The following AKAP13 variants were observed in gnomAD, a reference collection of about 807,000 sequenced individuals.
AKAP13 encodes the protein A-kinase anchoring protein 13.
Under a neutral mutation model 264.5 loss-of-function variants are expected in AKAP13, and 80 were observed. That is an observed-to-expected ratio of 0.30 (90% CI 0.25 to 0.36). The LOEUF (loss-of-function observed/expected upper bound fraction) is 0.36. Ranked by LOEUF, AKAP13 falls within the 10% of genes least tolerant of loss-of-function variation. The probability of loss-of-function intolerance (pLI) is 1.00; values close to 1 mark genes in which losing one functional copy is unlikely to be tolerated. For missense variants in AKAP13, 3,712 were observed against 3,435.2 expected (o/e 1.08, Z -2.01); for synonymous variants, 1,380 against 1,250.2 (o/e 1.10, Z -2.19).
chr15:85,506,071 C>T (rs933381921), intron 2 of AKAP13, among the ~76,000 whole-genome samples: 4 of 152,130 alleles, frequency 2.6e-5, no homozygotes, highest in East Asian at 1.9e-4. Context: ...AGGAGGTGGG[C>T]GGATCACTTG....
In AKAP13 at chr15:85,743,572, T is replaced by G; in HGVS notation, c.8139T>G (p.Pro2713=). 1 of 1,614,192 alleles carries G rather than the reference T, an allele frequency of 6.2e-7. No individual in the cohort carries two copies. The highest frequency in any genetic ancestry group is 1.1e-5 in the South Asian group (1 of 91,084). ...AGGAGCCCCCCTCGCCATCTGCACC[T>G]TCCATAGCCAAATCAGGGTCATTGG... is the stretch of plus-strand genomic sequence containing the variant. ...SPEEPPSPSA[P]SIAKSGSLDS... Residue 2713 remains proline (P), a synonymous_variant, in exon 36 of 37, where the codon CCT becomes CCG. Coordinates refer to ENST00000394518, the MANE Select transcript of AKAP13 (RefSeq NM_007200.5).
At chr15:85,614,860 T>C (rs1174229765) in intron 8 of AKAP13, among the ~76,000 whole-genome samples, 1 of 152,240 alleles carries the variant, frequency 6.6e-6, no homozygotes, top group African/African-American at 2.4e-5. Context: ...AATGAAATTG[T>C]ACCTGTGGAA....
intron 8 of AKAP13, among the ~76,000 whole-genome samples, chr15:85,597,948 G>C (rs2079891241): frequency 2.0e-5 from 3 of 152,078 alleles, no homozygotes; most frequent in African/African-American, 7.2e-5. Flanking sequence ...TTCTTCCTTA[G>C]GGTAAGATCC....
At chr15:85,555,623 C>A in intron 5 of AKAP13, 1 of 541,710 alleles carries the variant, frequency 1.8e-6, no homozygotes. Context: ...TTGTTAGGAT[C>A]AGAAAAGTGT....
Position 85,462,973 on chromosome 15 carries a change from G to A in AKAP13, c.-11-22737G>A, listed in dbSNP as rs868472557. Among the ~76,000 whole-genome samples the A allele has an allele frequency of 1.3e-3, 167 of 129,840 alleles. 1 individual carries two copies. The highest frequency in any genetic ancestry group is 5.7e-3 in the Middle Eastern group (1 of 174). The allele number at this position is 129,840 out of a possible 152,430, so 85.2% of individuals were successfully genotyped here. A position where few individuals can be genotyped will look rare whatever the true frequency, so the allele number is the denominator to read the frequency against. On this transcript the variant is annotated intron_variant, in intron 1 of 36. Transcript: ENST00000394518. ...CGGGAGGCGGAGCTTGCAGTGAGCC[G>A]AGATCCCGCCACTGCACTCCAGCCT...
At chr15:85,448,106 ATTTC>A (rs1567062359) in intron 1 of AKAP13, among the ~76,000 whole-genome samples, 1 of 151,834 alleles carries the variant, frequency 6.6e-6, no homozygotes, top group African/African-American at 2.4e-5. Context: ...TTTGATTTGC[ATTTC>A]TCTAATGATC....
At chr15:85,450,207 A>G (rs1359059663) in intron 1 of AKAP13, among the ~76,000 whole-genome samples, 2 of 151,948 alleles carry the variant, frequency 1.3e-5, no homozygotes, top group Non-Finnish European at 2.9e-5. Context: ...GTGTGGGTAG[A>G]GGTGTTTGTA....
rs1048541693 is a variant in AKAP13 at position 85,419,679 on chromosome 15, A to C, written c.-12+38881A>C. 2.6e-5 allele frequency among the ~76,000 whole-genome samples: 4 copies of C among 152,180 alleles called. No individual in the cohort carries two copies. In the South Asian group the frequency reaches 8.3e-4, roughly 31 times the overall value. On this transcript the variant is annotated intron_variant, in intron 1 of 36. Coordinates refer to ENST00000394518, the MANE Select transcript of AKAP13 (RefSeq NM_007200.5). ...GATGGTTAACCAGTATTTATGTCTCATTTCAAAATAATGACAGCTTTTTTT... is the reference window on the plus strand; with the variant it reads ...GATGGTTAACCAGTATTTATGTCTCCTTTCAAAATAATGACAGCTTTTTTT...
rs530868407 is a variant in AKAP13, at chr15:85,587,459, T to G, written c.4161+1636T>G. 3.3e-5 allele frequency among the ~76,000 whole-genome samples: 5 copies of G among 152,352 alleles called. No individual in the cohort carries two copies. The East Asian group carries it at 5.8e-4, about 18-fold the overall frequency. On this transcript the variant is annotated intron_variant, in intron 8 of 36. Coordinates refer to ENST00000394518, the MANE Select transcript of AKAP13 (RefSeq NM_007200.5). ...CATTTTTTTGTGGATTTGGATTGTT[T>G]CCACTTTTTGGCTACTGTGAATAAT...
At chr15:85,442,409 C>CAA (rs756585021) in intron 1 of AKAP13, among the ~76,000 whole-genome samples, 3 of 52,758 alleles carry the variant, frequency 5.7e-5, no homozygotes, top group South Asian at 4.5e-4. Flanking sequence ...GATTCTGTCT[C>CAA]AAAAAAAAAA....
intron 1 of AKAP13, among the ~76,000 whole-genome samples, chr15:85,392,137 T>C (rs1354840487): frequency 6.6e-6 from 1 of 151,806 alleles, no homozygotes; most frequent in Non-Finnish European, 1.5e-5. Context: ...TTGGGCTCAG[T>C]TGGTGAGTTT....
intron 8 of AKAP13, among the ~76,000 whole-genome samples, chr15:85,603,169 G>T (rs1325008769): frequency 1.3e-5 from 2 of 152,152 alleles, no homozygotes; most frequent in African/African-American, 4.8e-5. Context: ...CCTGAAAAAA[G>T]CAGTTTAGCT....
intron 2 of AKAP13, among the ~76,000 whole-genome samples, chr15:85,513,180 T>A (rs2076500440): frequency 6.6e-6 from 1 of 152,138 alleles, no homozygotes; most frequent in African/African-American, 2.4e-5. Flanking sequence ...TTTTCCTAGG[T>A]CCTCGGGTAA....
At chr15:85,654,216 C>T (rs1236194164) in intron 10 of AKAP13, among the ~76,000 whole-genome samples, 1 of 152,218 alleles carries the variant, frequency 6.6e-6, no homozygotes. Context: ...GTATAGCTTT[C>T]TTCCATTTAG....
chr15:85,630,455 T>C (rs1434095592), intron 8 of AKAP13, among the ~76,000 whole-genome samples: 3 of 152,248 alleles, frequency 2.0e-5, no homozygotes, highest in Non-Finnish European at 4.4e-5. Context: ...TTTCATTGTC[T>C]ACTATGCAAG....
chr15:85,522,910 C>T (rs1288917046), intron 3 of AKAP13, among the ~76,000 whole-genome samples: 6 of 133,048 alleles, frequency 4.5e-5, no homozygotes, highest in Admixed American at 3.0e-4. Context: ...ACCAGCCACC[C>T]CCCCCACCCC....
At chr15:85,417,745 C>T (rs986528030) in intron 1 of AKAP13, among the ~76,000 whole-genome samples, 18 of 152,110 alleles carry the variant, frequency 1.2e-4, no homozygotes, top group African/African-American at 2.9e-4. Context: ...GTGAAGAAGG[C>T]GACATTATTC....
intron 5 of AKAP13, among the ~76,000 whole-genome samples, chr15:85,560,668 T>C (rs2078338502): frequency 2.4e-5 from 2 of 82,896 alleles, no homozygotes; most frequent in South Asian, 3.2e-4. Flanking sequence ...TCTTTTATTA[T>C]GAGTAAATTA....
intron 10 of AKAP13, among the ~76,000 whole-genome samples, chr15:85,653,263 T>A (rs1195815165): frequency 6.6e-6 from 1 of 152,222 alleles, no homozygotes; most frequent in Non-Finnish European, 1.5e-5. Flanking sequence ...GATATCTTGT[T>A]CTTACAGGGT....
Sources: gnomAD v4.1 joint callset for allele counts (sites outside exome capture counted in the v4.1 genomes callset) on GRCh38, gnomAD v4.1.1 for gene constraint, MANE v1.5 for transcripts, NCBI Gene and HGNC (gene_info 2026-07-23, HGNC 2026-07-21) for gene names.